The following ST7 variants were observed in gnomAD, a reference collection of about 807,000 sequenced individuals.
The protein encoded by ST7 is suppressor of tumorigenicity 7 protein.
Under a neutral mutation model 78.7 loss-of-function variants are expected in ST7, and 28 were observed. That is an observed-to-expected ratio of 0.36 (90% CI 0.26 to 0.49). The LOEUF (loss-of-function observed/expected upper bound fraction) is 0.49. Among genes scored for constraint, ST7 ranks in the 20% least tolerant of loss-of-function variants. The probability of loss-of-function intolerance (pLI) is 0.99; values close to 1 mark genes in which losing one functional copy is unlikely to be tolerated. For missense variants in ST7, 418 were observed against 696.0 expected (o/e 0.60, Z 4.49); for synonymous variants, 247 against 249.6 (o/e 0.99, Z 0.10).
At chr7:117,020,391 G>C in intron 1 of ST7, 2 of 499,488 alleles carry the variant, frequency 4.0e-6, no homozygotes, top group Non-Finnish European at 6.7e-6. Flanking sequence ...GCTGTTAAGA[G>C]ACCTTGCATT....
At chr7:117,127,864 T>A (rs1563103357) in intron 3 of ST7, among the ~76,000 whole-genome samples, 1 of 151,950 alleles carries the variant, frequency 6.6e-6, no homozygotes, top group Admixed American at 6.6e-5. Context: ...TGGAGTTATT[T>A]TTTGTTTAGA....
chr7:117,160,350 A>G (rs557698288), intron 9 of ST7, among the ~76,000 whole-genome samples: 4 of 151,906 alleles, frequency 2.6e-5, no homozygotes, highest in Non-Finnish European at 5.9e-5. Flanking sequence ...ATGACTCCCT[A>G]TGTGTCTGTG....
intron 1 of ST7, among the ~76,000 whole-genome samples, chr7:117,033,838 G>A (rs563788556): frequency 3.3e-5 from 5 of 152,274 alleles, no homozygotes; most frequent in African/African-American, 9.6e-5. Flanking sequence ...CTAGCTGCAC[G>A]ACCTTGAGTA....
At chr7:117,228,870 G>A (rs1223211035) in intron 15 of ST7, among the ~76,000 whole-genome samples, 4 of 152,122 alleles carry the variant, frequency 2.6e-5, no homozygotes, top group Admixed American at 2.6e-4. Context: ...TTGAACCCCA[G>A]TAAGACAATA....
chr7:117,209,606 T>G (rs1273110244), intron 12 of ST7, among the ~76,000 whole-genome samples, 181 bp from the exon 13 acceptor site: 1 of 152,254 alleles, frequency 6.6e-6, no homozygotes, highest in African/African-American at 2.4e-5. Flanking sequence ...GCTAATCATC[T>G]GTCAGCAAAC....
chr7:117,049,487 C>A (rs1266088307), intron 1 of ST7, among the ~76,000 whole-genome samples: 1 of 152,204 alleles, frequency 6.6e-6, no homozygotes, highest in Non-Finnish European at 1.5e-5. Context: ...GATCCTTCAT[C>A]TTCCTTTTGC....
chr7:117,000,659 G>A (rs1467322682), intron 1 of ST7, among the ~76,000 whole-genome samples: 2 of 152,170 alleles, frequency 1.3e-5, no homozygotes, highest in Non-Finnish European at 2.9e-5. Flanking sequence ...TCAGAGCTTT[G>A]TGTGACTTAA....
At chr7:117,113,629 A>T (rs1699317536) in intron 2 of ST7, among the ~76,000 whole-genome samples, 1 of 152,202 alleles carries the variant, frequency 6.6e-6, no homozygotes, top group Non-Finnish European at 1.5e-5. Context: ...CAGGAACCAT[A>T]TCTGTGTTTC....
chr7:117,040,849 C>G (rs1467097409), intron 1 of ST7, among the ~76,000 whole-genome samples: 1 of 152,230 alleles, frequency 6.6e-6, no homozygotes, highest in Non-Finnish European at 1.5e-5. Context: ...AATTAATCTA[C>G]TATCTTGAAG....
intron 15 of ST7, among the ~76,000 whole-genome samples, chr7:117,226,394 G>A (rs1326815497): frequency 6.6e-6 from 1 of 152,004 alleles, no homozygotes; most frequent in Admixed American, 6.6e-5. Context: ...GACAGTTTTA[G>A]ACATCGAGAT....
chr7:116,972,819 G>GAC (rs1793499855), intron 1 of ST7: 1 of 1,024,910 alleles, frequency 9.8e-7, no homozygotes, highest in African/African-American at 1.6e-5. Flanking sequence ...CTTCTCACTG[G>GAC]AGACGATCAG....
At chr7:117,083,999 A>C (rs1244457608) in intron 1 of ST7, among the ~76,000 whole-genome samples, 2 of 152,224 alleles carry the variant, frequency 1.3e-5, no homozygotes, top group Non-Finnish European at 2.9e-5. Flanking sequence ...GTAGAATATC[A>C]TAGACATCCA....
At chr7:116,973,924 T>A (rs1779320689) in intron 1 of ST7, among the ~76,000 whole-genome samples, 1 of 152,232 alleles carries the variant, frequency 6.6e-6, no homozygotes, top group African/African-American at 2.4e-5. Context: ...TGTATTTGAT[T>A]TATCAAGGGA....
chr7:117,119,672 T>A lies in ST7; in HGVS notation c.346T>A (p.Ser116Thr), dbSNP rs767215179. Reference protein sequence around the residue: ...GGVDNNSSNNSNSSNGDSDSN... With the variant: ...GGVDNNSSNNTNSSNGDSDSN... ...GGTTGACAACAACTCTTCCAACAAT[T>A]CTAATTCCAGTAACGGGGACTCAGA... The change falls in exon 3 of 16, where the codon TCT becomes ACT. Residue 116 changes from serine (S) to threonine (T), a missense_variant. By Grantham distance (58) the Ser-to-Thr change is moderately conservative. Coordinates refer to ENST00000323984, the MANE Select transcript of ST7 (RefSeq NM_001369598.1). The A allele has an allele frequency of 9.3e-6, 15 of 1,613,810 alleles. No homozygotes were observed. The Admixed American group carries it at 1.0e-4, about 11-fold the overall frequency.
intron 1 of ST7, among the ~76,000 whole-genome samples, chr7:117,098,186 G>A (rs78710922): frequency 0.029 from 4,360 of 151,576 alleles, 98 homozygotes; most frequent in Middle Eastern, 0.061. Flanking sequence ...TGGGTGGCAC[G>A]AAAGAATGGA....
intron 1 of ST7, among the ~76,000 whole-genome samples, chr7:116,984,822 T>C (rs886363356): frequency 2.0e-5 from 3 of 152,336 alleles, no homozygotes; most frequent in African/African-American, 7.2e-5. Flanking sequence ...CAATCTGGAC[T>C]GTTCTCATGA....
chr7:117,160,961 CT>C (rs1207787589), intron 9 of ST7, among the ~76,000 whole-genome samples: 5 of 152,116 alleles, frequency 3.3e-5, no homozygotes, highest in Non-Finnish European at 2.9e-5. Context: ...AGAAGTGGGA[CT>C]CCAGCTGTGG....
chr7:116,985,125 T>G (rs1307387774), intron 1 of ST7, among the ~76,000 whole-genome samples: 1 of 152,192 alleles, frequency 6.6e-6, no homozygotes, highest in Non-Finnish European at 1.5e-5. Flanking sequence ...TTGATACTCA[T>G]GTTCACCTTG....
chr7:117,061,768 A>T (rs1421228439), intron 1 of ST7, among the ~76,000 whole-genome samples: 1 of 152,242 alleles, frequency 6.6e-6, no homozygotes, highest in Non-Finnish European at 1.5e-5. Context: ...TTACTGTGCC[A>T]GAAAAAGAAA....
Sources: gnomAD v4.1 joint callset for allele counts (sites outside exome capture counted in the v4.1 genomes callset) on GRCh38, gnomAD v4.1.1 for gene constraint, MANE v1.5 for transcripts, NCBI Gene and HGNC (gene_info 2026-07-23, HGNC 2026-07-21) for gene names.